The following PCDH20 variants were observed in gnomAD, a reference collection of about 807,000 sequenced individuals.
The protein encoded by PCDH20 is protocadherin 20, also known as protocadherin-20.
A neutral mutation model predicts 39.7 loss-of-function variants in PCDH20; 18 were observed. The observed-to-expected ratio is 0.45, with a 90% CI of 0.31 to 0.67. PCDH20 has a LOEUF of 0.67. PCDH20 is among the 30% of genes least tolerant of loss of function. PCDH20 has a pLI of 0.05. For synonymous variants in PCDH20, 495 were observed against 455.4 expected (o/e 1.09, Z -1.11); for missense variants, 1,161 against 1,167.4 (o/e 0.99, Z 0.08).
intron 1 of PCDH20, among the ~76,000 whole-genome samples, 176 bp from the exon 2 acceptor site, chr13:61,414,142 T>C (rs1202427623): frequency 1.3e-5 from 2 of 151,972 alleles, no homozygotes; most frequent in South Asian, 2.1e-4. Flanking sequence ...TGTGGGGCAA[T>C]ATCGTCTCCA....
chr13:61,413,316 C>T (rs1358075152), exon 2 of PCDH20: 1 of 1,614,096 alleles, frequency 6.2e-7, no homozygotes. Flanking sequence ...TCTCATTCTC[C>T]TCCACGTCCA....
chr13:61,413,905 G>T, exon 2 of PCDH20: 1 of 1,613,408 alleles, frequency 6.2e-7, no homozygotes, highest in Non-Finnish European at 8.5e-7. Context: ...AAGCTCGGTG[G>T]CCCGGCTGTA....
At chr13:61,412,655 G>A (rs529565072) in exon 2 of PCDH20, 2 of 1,613,928 alleles carry the variant, frequency 1.2e-6, no homozygotes, top group African/African-American at 2.7e-5. Flanking sequence ...TTATTGTATG[G>A]TTTGTAAGGT....
At chr13:61,411,804 T>C (rs770110549) in exon 2 of PCDH20, 2 of 1,614,104 alleles carry the variant, frequency 1.2e-6, no homozygotes, top group South Asian at 1.1e-5. Flanking sequence ...CATAGACTTC[T>C]GTAACCGGGG....
At chr13:61,411,308 G>T (rs756596457) in exon 2 of PCDH20, 1 of 1,613,856 alleles carries the variant, frequency 6.2e-7, no homozygotes, top group Non-Finnish European at 8.5e-7. Flanking sequence ...CCTTTCAGTG[G>T]AATCTGTACT....
At position 61,414,780 on chromosome 13, in the gene PCDH20, A is replaced by AC. The variant is rs1417496531; in HGVS notation, c.132+246dup. Reference sequence around the variant, plus strand: ...CCTGTAGCTAAAGCGGATTGAGCGCACCCCCGATGCCCTCGACCTTATCTG... The same window carrying AC: ...CCTGTAGCTAAAGCGGATTGAGCGCACCCCCCGATGCCCTCGACCTTATCTG... On this transcript the variant is annotated intron_variant, in intron 1 of 1. Transcript: ENST00000409204. Among the ~76,000 whole-genome samples the AC allele has an allele frequency of 2.6e-5, 4 of 151,950 alleles. 1 individual carries two copies. Among genetic ancestry groups the AC allele is most frequent in the Non-Finnish European group, 5.9e-5 (4 of 67,976 alleles).
exon 2 of PCDH20, chr13:61,411,800 C>G: frequency 6.2e-7 from 1 of 1,614,186 alleles, no homozygotes; most frequent in Non-Finnish European, 8.5e-7. Flanking sequence ...ACAGCATAGA[C>G]TTCTGTAACC....
chr13:61,413,293 G>A (rs760381244), exon 2 of PCDH20: 1 of 1,614,072 alleles, frequency 6.2e-7, no homozygotes, highest in Non-Finnish European at 8.5e-7. Context: ...TAGGTAGGGG[G>A]TGCGCTCCCC....
rs1437692830 is a variant in PCDH20, at chr13:61,413,975, G to C, written c.133-9C>G. On this transcript the variant is annotated splice_polypyrimidine_tract_variant and intron_variant, in intron 1 of 1. Transcript: ENST00000409204. Reference sequence around the variant, plus strand: ...AAAAACAGAAACAGATGCTGGAGTTGGGGGAGGGAAGAAAGCTCATTACAC... The same window carrying C: ...AAAAACAGAAACAGATGCTGGAGTTCGGGGAGGGAAGAAAGCTCATTACAC... 20 of 1,594,930 alleles carry C rather than the reference G, an allele frequency of 1.3e-5. No individual in the cohort carries two copies. Among genetic ancestry groups the C allele is most frequent in the Non-Finnish European group, 1.5e-5 (17 of 1,167,008 alleles).
rs553622318 is a variant in PCDH20, at chr13:61,412,104, A to G, written c.1995T>C (p.Asp665=). 205 of 1,614,136 alleles carry G rather than the reference A, an allele frequency of 1.3e-4. 3 individuals carry two copies. In the South Asian group the frequency reaches 2.0e-3, roughly 16 times the overall value. ...CCCATCCATTTCGTCCAGCGTCAGC[A>G]TCTGTTACACTAATTACTCCAATCT... Residue 665 remains aspartate (D), a synonymous_variant, in exon 2 of 2, where the codon GAT becomes GAC. Coordinates refer to ENST00000409204, the Ensembl canonical transcript of PCDH20.
exon 2 of PCDH20, chr13:61,412,733 T>C (rs1002461188): frequency 2.5e-6 from 4 of 1,614,200 alleles, no homozygotes; most frequent in Non-Finnish European, 3.4e-6. Flanking sequence ...GGATCTCTTA[T>C]GGTGAAAAAC....
chr13:61,411,218 C>G, exon 2 of PCDH20: 1 of 1,566,664 alleles, frequency 6.4e-7, no homozygotes, highest in Middle Eastern at 1.7e-4. Context: ...TAAAACATTT[C>G]TCTGTGTTAT....
chr13:61,414,376 G>A (rs1871490605), intron 1 of PCDH20, among the ~76,000 whole-genome samples: 1 of 152,136 alleles, frequency 6.6e-6, no homozygotes, highest in Admixed American at 6.5e-5. Context: ...AGAGAGCACT[G>A]AAAGGTGGGC....
Position 61,413,494 on chromosome 13 carries a change from AT to A in PCDH20, c.604del (p.Ile202SerfsTer23). 6.2e-7 allele frequency: 1 copy of A among 1,613,908 alleles called. No individual in the cohort carries two copies. Among genetic ancestry groups the A allele is most frequent in the Non-Finnish European group, 8.5e-7 (1 of 1,180,004 alleles). On this transcript the variant is annotated frameshift_variant, in exon 2 of 2. Transcript: ENST00000409204. LOFTEE classifies it high-confidence loss of function. ...AGGGAACTGCGGGGCGTTGTCATTG[AT>A]GTCTCTGATGGCGATCTTCACCTTC...
At chr13:61,411,102 C>A (rs933677790) in exon 2 of PCDH20, 25 of 707,132 alleles carry the variant, frequency 3.5e-5, no homozygotes, top group Non-Finnish European at 5.1e-5. Flanking sequence ...AATTTAAAAA[C>A]CTGTAAACAG....
chr13:61,412,611 G>A lies in PCDH20; in HGVS notation c.1488C>T (p.Asp496=). The A allele has an allele frequency of 2.5e-6, 4 of 1,614,106 alleles. No homozygotes were observed. In the South Asian group the frequency reaches 4.4e-5, roughly 18 times the overall value. Residue 496 remains aspartate, a synonymous_variant, in exon 2 of 2, where the codon GAC becomes GAT. Transcript: ENST00000409204. ...CTTCATAGAACTGCTGTAGCTCATA[G>A]TCCATAGGTTTTGTGGTCTCTAGTA...
chr13:61,415,200 G>A (rs1477034957), exon 1 of PCDH20: 1 of 1,337,956 alleles, frequency 7.5e-7, no homozygotes, highest in Non-Finnish European at 9.7e-7. Flanking sequence ...AAGGGAGGGC[G>A]GCAGAAGACA....
exon 2 of PCDH20, chr13:61,411,674 C>A (rs1180905974): frequency 7.4e-6 from 12 of 1,614,012 alleles, no homozygotes; most frequent in Admixed American, 3.3e-5. Flanking sequence ...TGCAGCAATG[C>A]CTCTTCCAAA....
Position 61,413,006 on chromosome 13 carries a change from G to A in PCDH20, c.1093C>T (p.Gln365Ter). 1 of 1,614,164 alleles carries A rather than the reference G, an allele frequency of 6.2e-7. No individual in the cohort carries two copies. The highest frequency in any genetic ancestry group is 8.5e-7 in the Non-Finnish European group (1 of 1,180,022). The change falls in exon 2 of 2, where the codon CAA becomes TAA. Residue 365 changes from glutamine (Q) to a stop codon, truncating the protein, a stop_gained. Coordinates refer to ENST00000409204, the Ensembl canonical transcript of PCDH20. LOFTEE classifies it high-confidence loss of function. Reference sequence around the variant, plus strand: ...AGGTGAAATAAATCCTTAGATGCTTGTGGAACTTTCTGACTGTAAGAATAA... The same window carrying A: ...AGGTGAAATAAATCCTTAGATGCTTATGGAACTTTCTGACTGTAAGAATAA...
Sources: gnomAD v4.1 joint callset for allele counts (sites outside exome capture counted in the v4.1 genomes callset) on GRCh38, gnomAD v4.1.1 for gene constraint, MANE v1.5 for transcripts, NCBI Gene and HGNC (gene_info 2026-07-23, HGNC 2026-07-21) for gene names.